The following BCL2L14 variants were observed in gnomAD, a reference collection of about 807,000 sequenced individuals.
BCL2L14 encodes BCL2 like 14.
Under a neutral mutation model 35.3 loss-of-function variants are expected in BCL2L14, and 27 were observed. The ratio of observed to expected loss-of-function variants is 0.76; its 90% CI spans 0.56 to 1.05. The LOEUF is 1.05. Ranked by LOEUF, BCL2L14 falls within the 50% of genes least tolerant of loss-of-function variation. The pLI is 0.00. For missense variants in BCL2L14, 377 were observed against 382.6 expected, an observed-to-expected ratio of 0.99 and a Z score of 0.12; for synonymous variants, 139 against 145.9, an observed-to-expected ratio of 0.95 and a Z score of 0.34.
chr12:12,061,669 C>A (rs1314656095), intron 2 of BCL2L14, among the ~76,000 whole-genome samples: 2 of 152,150 alleles, frequency 1.3e-5, no homozygotes, highest in African/African-American at 2.4e-5. Flanking sequence ...TTGCACCCTT[C>A]ATCCTAGCCT....
At chr12:12,080,679 G>T (rs1409763589) in intron 2 of BCL2L14, among the ~76,000 whole-genome samples, 6 of 150,984 alleles carry the variant, frequency 4.0e-5, no homozygotes, top group Non-Finnish European at 8.8e-5. Context: ...TGCCTGGGCC[G>T]CTGCTCTTCC....
At chr12:12,055,431 A>G (rs1948416911) in intron 2 of BCL2L14, 1 of 152,214 alleles carries the variant, frequency 6.6e-6, no homozygotes, top group Admixed American at 6.5e-5. Context: ...CTAACGGTTC[A>G]TAAATCATCC....
At chr12:12,069,122 C>G (rs897999020), upstream of BCL2L14, among the ~76,000 whole-genome samples, 1 of 152,142 alleles carries the variant, frequency 6.6e-6, no homozygotes, top group Admixed American at 6.5e-5. Flanking sequence ...AGGTTGCTTT[C>G]ATCGCATCTT....
intron 2 of BCL2L14, among the ~76,000 whole-genome samples, chr12:12,064,834 G>C (rs888417249): frequency 6.6e-6 from 1 of 152,190 alleles, no homozygotes; most frequent in Admixed American, 6.5e-5. Flanking sequence ...GGAAGTCATG[G>C]TAGTCAGATC....
At position 12,079,578 on chromosome 12, in the gene BCL2L14, T is replaced by A; in HGVS notation, c.273T>A (p.Ser91=). 6.2e-7 allele frequency: 1 copy of A among 1,614,244 alleles called. No homozygotes were observed. The highest frequency in any genetic ancestry group is 8.5e-7 in the Non-Finnish European group (1 of 1,180,050). ...CCATAAACCTTGGCAAGAAAAAGTC[T>A]TCTTGGAAAGCATTCTTTGGAGTAG... ...EKAINLGKKK[S]SWKAFFGVVE... Residue 91 remains serine (S), a synonymous_variant, in exon 2 of 6, where the codon TCT becomes TCA. Coordinates refer to ENST00000308721, the MANE Select transcript of BCL2L14 (RefSeq NM_138723.2).
intron 2 of BCL2L14, among the ~76,000 whole-genome samples, chr12:12,057,479 C>A (rs568173962): frequency 2.0e-5 from 3 of 152,024 alleles, no homozygotes; most frequent in African/African-American, 7.2e-5. Context: ...TGAAGAGAGC[C>A]GGGCTCGGTG....
chr12:12,081,843 C>T (rs1948932334), intron 2 of BCL2L14, among the ~76,000 whole-genome samples: 1 of 152,164 alleles, frequency 6.6e-6, no homozygotes, highest in African/African-American at 2.4e-5. Flanking sequence ...AAGTGTGAGC[C>T]ACTGCACCCA....
At chr12:12,070,165 G>A (rs1397531766), upstream of BCL2L14, among the ~76,000 whole-genome samples, 1 of 152,124 alleles carries the variant, frequency 6.6e-6, no homozygotes, top group Admixed American at 6.5e-5. Flanking sequence ...TTTTACTATG[G>A]CTGTGCTTAG....
chr12:12,058,161 AG>A (rs745429388), intron 2 of BCL2L14, among the ~76,000 whole-genome samples: 5 of 151,854 alleles, frequency 3.3e-5, no homozygotes, highest in Admixed American at 1.3e-4. Flanking sequence ...CATGTTGGCC[AG>A]GCTGTTCTCC....
At chr12:12,064,303 A>ATT (rs144660036) in intron 2 of BCL2L14, among the ~76,000 whole-genome samples, 37 of 138,174 alleles carry the variant, frequency 2.7e-4, no homozygotes, top group Admixed American at 4.4e-4. Flanking sequence ...AATTTTTTTG[A>ATT]TTTTTTTTTT....
At chr12:12,056,622 T>A (rs1458524661) in intron 2 of BCL2L14, among the ~76,000 whole-genome samples, 1 of 152,142 alleles carries the variant, frequency 6.6e-6, no homozygotes, top group African/African-American at 2.4e-5. Flanking sequence ...TCAACTGAGG[T>A]CAGGAGTTCG....
chr12:12,070,987 C>G lies in BCL2L14; in HGVS notation c.-158C>G, dbSNP rs541870453. On this transcript the variant is annotated 5_prime_UTR_variant, in exon 1 of 6. Coordinates refer to ENST00000308721, the MANE Select transcript of BCL2L14 (RefSeq NM_138723.2). Reference sequence around the variant, plus strand: ...CCTGAAGAAAGTTTAGAGCCTGGGGCTCTAAACTACCTGAGTCTTTCCAAA... The same window carrying G: ...CCTGAAGAAAGTTTAGAGCCTGGGGGTCTAAACTACCTGAGTCTTTCCAAA... 2 of 152,250 alleles carry G rather than the reference C, an allele frequency of 1.3e-5. No homozygotes were observed. Among genetic ancestry groups the G allele is most frequent in the African/African-American group, 4.8e-5 (2 of 41,550 alleles). The allele number at this position is 152,250 out of a possible 1,614,324, so 9.4% of individuals were successfully genotyped here.
intron 2 of BCL2L14, among the ~76,000 whole-genome samples, chr12:12,086,584 C>T (rs572894262): frequency 2.0e-5 from 3 of 152,326 alleles, no homozygotes; most frequent in African/African-American, 7.2e-5. Context: ...TCTTGAAGGC[C>T]GTAAGTTGTG....
intron 1 of BCL2L14, among the ~76,000 whole-genome samples, chr12:12,077,246 A>G (rs890531868): frequency 3.3e-5 from 5 of 152,206 alleles, no homozygotes; most frequent in Non-Finnish European, 7.3e-5. Context: ...GAGCCATATT[A>G]AGACAGAGCC....
At chr12:12,087,076 C>T (rs1335848392) in intron 2 of BCL2L14, 137 bp from the exon 3 acceptor site, 3 of 938,008 alleles carry the variant, frequency 3.2e-6, no homozygotes, top group Non-Finnish European at 4.8e-6. Flanking sequence ...TGAAGAATGA[C>T]CCTCCCCCAG....
intron 4 of BCL2L14, among the ~76,000 whole-genome samples, chr12:12,091,849 G>A (rs926472805): frequency 2.3e-4 from 35 of 152,324 alleles, no homozygotes; most frequent in Non-Finnish European, 4.1e-4. Context: ...GGGCACCCCT[G>A]CATTTCTCCA....
Position 12,094,921 on chromosome 12 carries a change from C to T in BCL2L14, c.936C>T (p.His312=), listed in dbSNP as rs549256668. 32 of 1,613,186 alleles carry T rather than the reference C, an allele frequency of 2.0e-5. 1 individual carries two copies. Among genetic ancestry groups the T allele is most frequent in the Middle Eastern group, 1.7e-4 (1 of 6,060 alleles). The change falls in exon 5 of 6, where the codon CAC becomes CAT. Residue 312 remains histidine (H), a synonymous_variant. Transcript: ENST00000308721. ...KENFSPWIQQ[H]GGWEKILGIS... ...ACTTCTCGCCATGGATCCAGCAGCA[C>T]GGTGGATGGGTAAGCGTATCCTATT...
At chr12:12,076,924 C>A (rs368448353) in intron 1 of BCL2L14, among the ~76,000 whole-genome samples, 1 of 152,090 alleles carries the variant, frequency 6.6e-6, no homozygotes, top group Non-Finnish European at 1.5e-5. Flanking sequence ...ACTTGGACAC[C>A]GAGGAACAAA....
At chr12:12,098,837 T>C (rs559257015) in intron 5 of BCL2L14, 113 bp from the exon 6 acceptor site, 4 of 769,624 alleles carry the variant, frequency 5.2e-6, no homozygotes, top group Non-Finnish European at 9.3e-6. Context: ...CAAACTAACA[T>C]GGTCTCCTGA....
Sources: allele counts gnomAD v4.1 joint callset (sites outside exome capture counted in the v4.1 genomes callset), GRCh38; gene constraint gnomAD v4.1.1; transcripts MANE v1.5; gene names NCBI Gene and HGNC (gene_info 2026-07-23, HGNC 2026-07-21).